Variants in PHTF2 observed in about 807,000 individuals in gnomAD.
PHTF2 encodes putative homeodomain transcription factor 2.
Under a neutral mutation model 101.2 loss-of-function variants are expected in PHTF2, and 60 were observed. The observed-to-expected ratio is 0.59, with a 90% CI of 0.48 to 0.73. PHTF2 has a LOEUF of 0.73. Among genes scored for constraint, PHTF2 ranks in the 30% least tolerant of loss-of-function variants. The pLI, the probability that PHTF2 is intolerant of heterozygous loss-of-function variation, is 0.00. For synonymous variants in PHTF2, 311 were observed against 307.3 expected, an observed-to-expected ratio of 1.01 and a Z score of -0.13; for missense variants, 747 against 908.7, an observed-to-expected ratio of 0.82 and a Z score of 2.29.
chr7:77,925,885 G>A (rs542324911), intron 11 of PHTF2, among the ~76,000 whole-genome samples: 9 of 151,962 alleles, frequency 5.9e-5, no homozygotes, highest in African/African-American at 1.9e-4. Flanking sequence ...GTGAAACCCC[G>A]TCTCTACGAA....
intron 3 of PHTF2, among the ~76,000 whole-genome samples, chr7:77,890,339 G>T (rs1323482177): frequency 6.6e-6 from 1 of 152,098 alleles, no homozygotes; most frequent in Non-Finnish European, 1.5e-5. Context: ...GCCAAGGATT[G>T]ACATCCATTT....
At chr7:77,903,699 T>C (rs924109099) in intron 7 of PHTF2, among the ~76,000 whole-genome samples, 2 of 152,190 alleles carry the variant, frequency 1.3e-5, no homozygotes, top group African/African-American at 4.8e-5. Flanking sequence ...AGAAATGACT[T>C]AACCTTCTTA....
rs552229182 is a variant in PHTF2 at position 77,917,525 on chromosome 7, A to G, written c.777-2754A>G. On this transcript the variant is annotated intron_variant, in intron 9 of 19. Transcript: ENST00000416283. ...CATTGATAGCTCCAATTCAAATACA[A>G]TCCTGCGGGGTTCATTCTATCTCTT... Among the ~76,000 whole-genome samples the G allele has an allele frequency of 1.9e-4, 29 of 152,322 alleles. No individual in the cohort carries two copies. In the South Asian group the frequency reaches 2.7e-3, roughly 14 times the overall value.
At chr7:77,846,634 C>T (rs1050031630) in intron 2 of PHTF2, among the ~76,000 whole-genome samples, 2 of 141,120 alleles carry the variant, frequency 1.4e-5, no homozygotes, top group Non-Finnish European at 1.6e-5. Flanking sequence ...CTCCCCTCCC[C>T]TCCCCTTCCC....
intron 3 of PHTF2, among the ~76,000 whole-genome samples, chr7:77,861,666 T>C (rs947904734): frequency 6.6e-6 from 1 of 152,254 alleles, no homozygotes; most frequent in Non-Finnish European, 1.5e-5. Context: ...CTCATGCCTG[T>C]AATTCCAGCA....
intron 1 of PHTF2, among the ~76,000 whole-genome samples, chr7:77,801,122 C>G (rs1792510747): frequency 6.6e-6 from 1 of 152,156 alleles, no homozygotes; most frequent in Non-Finnish European, 1.5e-5. Flanking sequence ...GAGTCACCTT[C>G]TCTGTGTTTG....
intron 17 of PHTF2, among the ~76,000 whole-genome samples, chr7:77,951,058 T>G (rs1806493688): frequency 6.6e-6 from 1 of 152,222 alleles, no homozygotes; most frequent in South Asian, 2.1e-4. Flanking sequence ...TTAGAGCATT[T>G]TTCAAAGAAA....
At chr7:77,953,136 A>G (rs1387669329) in intron 18 of PHTF2, among the ~76,000 whole-genome samples, 3 of 152,074 alleles carry the variant, frequency 2.0e-5, no homozygotes, top group Non-Finnish European at 4.4e-5. Flanking sequence ...ACTCCCCACC[A>G]TCCACAAAGT....
At chr7:77,863,647 A>G (rs1442609234) in intron 3 of PHTF2, among the ~76,000 whole-genome samples, 2 of 151,412 alleles carry the variant, frequency 1.3e-5, no homozygotes, top group Non-Finnish European at 3.0e-5. Flanking sequence ...CACATGGATT[A>G]TTAAAGACTT....
At chr7:77,928,333 G>A (rs369200672) in intron 11 of PHTF2, among the ~76,000 whole-genome samples, 272 of 152,166 alleles carry the variant, frequency 1.8e-3, no homozygotes, top group Non-Finnish European at 3.2e-3. Flanking sequence ...AAACTGATTA[G>A]AAATTACTTA....
At chr7:77,910,349 C>G (rs373423707) in exon 9 of PHTF2, 1 of 1,613,792 alleles carries the variant, frequency 6.2e-7, no homozygotes, top group African/African-American at 1.3e-5. Flanking sequence ...GGTACAAGCA[C>G]CTCTCACAGC....
chr7:77,853,837 TTCTC>T (rs1180813598), intron 2 of PHTF2, among the ~76,000 whole-genome samples: 8 of 152,198 alleles, frequency 5.3e-5, no homozygotes, highest in Non-Finnish European at 1.5e-5. Context: ...TCCAAATTCC[TTCTC>T]TCTTTTATCT....
intron 1 of PHTF2, among the ~76,000 whole-genome samples, chr7:77,810,793 C>T (rs1379348013): frequency 1.3e-5 from 2 of 152,124 alleles, no homozygotes; most frequent in African/African-American, 2.4e-5. Flanking sequence ...CCACCTTGGC[C>T]TCCCAAAGTT....
Position 77,943,111 on chromosome 7 carries a change from T to TTTTTC in PHTF2, c.1959+328_1959+329insTCTTT, listed in dbSNP as rs1346986262. 1.4e-3 allele frequency among the ~76,000 whole-genome samples: 79 copies of TTTTTC among 56,468 alleles called. 1 individual carries two copies. The highest frequency in any genetic ancestry group is 2.2e-3 in the African/African-American group (61 of 27,764). The allele number at this position is 56,468 out of a possible 152,430, so 37.0% of individuals were successfully genotyped here. On this transcript the variant is annotated intron_variant, in intron 16 of 19. Coordinates refer to ENST00000416283, the Ensembl canonical transcript of PHTF2. The stretch of plus-strand genomic sequence containing the variant: ...TCCAATTTATTCATGTTTACTATTC[T>TTTTTC]TTTCTTTCTTTCTTTCTTTCTTTTT...
At chr7:77,927,199 T>TACACACACACACACAC (rs375873189) in intron 11 of PHTF2, among the ~76,000 whole-genome samples, 2 of 108,548 alleles carry the variant, frequency 1.8e-5, no homozygotes, top group African/African-American at 7.9e-5. Context: ...TATATATACA[T>TACACACACACACACAC]ACACACACAC....
intron 16 of PHTF2, among the ~76,000 whole-genome samples, chr7:77,945,140 A>G (rs117922960): frequency 0.024 from 3,596 of 152,242 alleles, 55 homozygotes; most frequent in Middle Eastern, 0.068. Context: ...AGGAGTTCGC[A>G]AGCAGCCTGG....
At chr7:77,894,565 A>C (rs1800724201) in intron 5 of PHTF2, among the ~76,000 whole-genome samples, 1 of 152,196 alleles carries the variant, frequency 6.6e-6, no homozygotes, top group African/African-American at 2.4e-5. Context: ...ACTTTTGAGG[A>C]AGGATTAATA....
chr7:77,849,067 T>G (rs541935947), intron 2 of PHTF2, among the ~76,000 whole-genome samples: 45 of 152,084 alleles, frequency 3.0e-4, no homozygotes, highest in Non-Finnish European at 5.9e-4. Context: ...GCTTCTATTG[T>G]GTTCCACTGA....
chr7:77,879,508 A>G lies in PHTF2; in HGVS notation c.148-14100A>G, dbSNP rs563426085. On this transcript the variant is annotated intron_variant, in intron 3 of 19. Transcript: ENST00000416283. Reference sequence around the variant, plus strand: ...TTCTTCCATTCCCTCCCTTTCCTGTATGAACCAGTTGAATTATTTCCACAA... The same window carrying G: ...TTCTTCCATTCCCTCCCTTTCCTGTGTGAACCAGTTGAATTATTTCCACAA... 3.9e-5 allele frequency among the ~76,000 whole-genome samples: 6 copies of G among 152,180 alleles called. 1 individual carries two copies. Among genetic ancestry groups the G allele is most frequent in the Non-Finnish European group, 4.4e-5 (3 of 67,998 alleles).
Sources: gnomAD v4.1 joint callset for allele counts (sites outside exome capture counted in the v4.1 genomes callset) on GRCh38, gnomAD v4.1.1 for gene constraint, MANE v1.5 for transcripts, NCBI Gene and HGNC (gene_info 2026-07-23, HGNC 2026-07-21) for gene names.